The following TMED10 variants were observed in gnomAD, a reference collection of about 807,000 sequenced individuals.
TMED10 encodes the protein transmembrane emp24 domain-containing protein 10.
Under a neutral mutation model 23.1 loss-of-function variants are expected in TMED10, and 7 were observed. The ratio of observed to expected loss-of-function variants is 0.30; its 90% CI spans 0.17 to 0.57. The LOEUF is 0.57. Among genes scored for constraint, TMED10 ranks in the 20% least tolerant of loss-of-function variants. TMED10 has a pLI of 0.91. For missense variants in TMED10, 162 were observed against 274.8 expected, an observed-to-expected ratio of 0.59 and a Z score of 2.90; for synonymous variants, 113 against 106.9, an observed-to-expected ratio of 1.06 and a Z score of -0.35.
At chr14:75,165,605 T>C (rs1263027228) in intron 1 of TMED10, among the ~76,000 whole-genome samples, 1 of 152,198 alleles carries the variant, frequency 6.6e-6, no homozygotes, top group Non-Finnish European at 1.5e-5. Flanking sequence ...CTACATTTAA[T>C]GGGCATAAAA....
At chr14:75,136,699 A>G (rs1158394154) in intron 3 of TMED10, 3 of 152,166 alleles carry the variant, frequency 2.0e-5, no homozygotes, top group Admixed American at 2.0e-4. Flanking sequence ...TCCTACAACA[A>G]CTTTAAGGTT....
intron 3 of TMED10, among the ~76,000 whole-genome samples, chr14:75,143,475 A>C (rs1895847761): frequency 6.6e-6 from 1 of 152,188 alleles, no homozygotes; most frequent in Non-Finnish European, 1.5e-5. Flanking sequence ...GGGAATCTCT[A>C]AATTCTTTTC....
chr14:75,164,692 G>A (rs1896139595), intron 1 of TMED10, among the ~76,000 whole-genome samples: 1 of 146,166 alleles, frequency 6.8e-6, no homozygotes, highest in Non-Finnish European at 1.5e-5. Flanking sequence ...CAAAGTGCTA[G>A]GATTACAGAC....
At chr14:75,174,840 A>G (rs1238779321) in intron 1 of TMED10, among the ~76,000 whole-genome samples, 1 of 152,070 alleles carries the variant, frequency 6.6e-6, no homozygotes, top group Non-Finnish European at 1.5e-5. Context: ...CAAGAGATCA[A>G]GACCATCCTG....
At chr14:75,176,134 C>G (rs1896301730) in intron 1 of TMED10, 2 of 600,174 alleles carry the variant, frequency 3.3e-6, no homozygotes, top group Admixed American at 6.0e-5. Context: ...TCCGCCAAAG[C>G]CTCGCAGCCC....
chr14:75,135,549 G>GT, intron 4 of TMED10: 1 of 565,720 alleles, frequency 1.8e-6, no homozygotes, highest in African/African-American at 1.9e-5. Flanking sequence ...AATTGAGGAT[G>GT]TTGTCACCTG....
At chr14:75,146,304 C>G (rs1326178606) in intron 3 of TMED10, among the ~76,000 whole-genome samples, 1 of 152,170 alleles carries the variant, frequency 6.6e-6, no homozygotes, top group Non-Finnish European at 1.5e-5. Flanking sequence ...CAGAATTAAC[C>G]AGTCATTTCC....
At chr14:75,158,755 T>C (rs909181527) in intron 1 of TMED10, among the ~76,000 whole-genome samples, 2 of 151,896 alleles carry the variant, frequency 1.3e-5, no homozygotes, top group Non-Finnish European at 2.9e-5. Context: ...AGAAACCCCA[T>C]CTCTACTAAA....
chr14:75,137,228 T>C (rs1483190749), intron 3 of TMED10, among the ~76,000 whole-genome samples: 2 of 150,550 alleles, frequency 1.3e-5, no homozygotes, highest in Non-Finnish European at 3.0e-5. Context: ...GTCAGGATGG[T>C]CTCGATCTCT....
chr14:75,160,133 G>A (rs1240398255), intron 1 of TMED10, among the ~76,000 whole-genome samples: 3 of 152,148 alleles, frequency 2.0e-5, no homozygotes, highest in Non-Finnish European at 2.9e-5. Flanking sequence ...TTCAGGTGGG[G>A]CTCACTCATA....
intron 1 of TMED10, among the ~76,000 whole-genome samples, chr14:75,172,960 G>A (rs539943304): frequency 1.3e-5 from 2 of 152,186 alleles, no homozygotes; most frequent in South Asian, 4.1e-4. Context: ...CAAAGCAGTG[G>A]TGAGGACAAT....
intron 3 of TMED10, among the ~76,000 whole-genome samples, chr14:75,143,933 C>CAAAA (rs5809695): frequency 7.9e-6 from 1 of 126,210 alleles, no homozygotes; most frequent in African/African-American, 3.1e-5. Context: ...TACTCTGTCT[C>CAAAA]AAAAAAAAAA....
chr14:75,147,183 C>CTTTTTTTTTT (rs1895894334), intron 3 of TMED10, among the ~76,000 whole-genome samples: 11 of 77,796 alleles, frequency 1.4e-4, no homozygotes, highest in African/African-American at 2.3e-4. Context: ...TTCTTCAAGG[C>CTTTTTTTTTT]TGTTTTTTTT....
chr14:75,170,647 T>TA (rs946886472), intron 1 of TMED10, among the ~76,000 whole-genome samples: 3 of 152,054 alleles, frequency 2.0e-5, no homozygotes, highest in East Asian at 1.9e-4. Context: ...TAAAATACTT[T>TA]AAAAAAAAAC....
chr14:75,167,432 C>T, intron 1 of TMED10, among the ~76,000 whole-genome samples: 1 of 151,606 alleles, frequency 6.6e-6, no homozygotes. Context: ...CTCCTCGCCC[C>T]CACCCCCACC....
rs1895709119 is a variant in TMED10, at chr14:75,133,265, A to ATTT, written c.*1619_*1620insAAA. ...CTAACAGAGGAATTTTATCTAGGAT[A>ATTT]TATAAAAAACCTCTCAAAACTCAAT... is the stretch of plus-strand genomic sequence containing the variant. On this transcript the variant is annotated 3_prime_UTR_variant, in exon 5 of 5. Coordinates refer to ENST00000303575, the MANE Select transcript of TMED10 (RefSeq NM_006827.6). 6.6e-6 allele frequency: 1 copy of ATTT among 152,244 alleles called. No homozygotes were observed. Among genetic ancestry groups the ATTT allele is most frequent in the Admixed American group, 6.5e-5 (1 of 15,284 alleles). 9.4% of individuals were successfully genotyped at this position (152,244 alleles called of 1,614,324 possible). A position where few individuals can be genotyped will look rare whatever the true frequency, so the allele number is the denominator to read the frequency against.
intron 1 of TMED10, among the ~76,000 whole-genome samples, chr14:75,173,270 C>T (rs908102557): frequency 6.6e-6 from 1 of 151,984 alleles, no homozygotes; most frequent in African/African-American, 2.4e-5. Flanking sequence ...GCCTGTAATC[C>T]CAGCTACTCA....
intron 3 of TMED10, among the ~76,000 whole-genome samples, chr14:75,147,185 G>GTTTTTTTTTTTTTTTTTTTTT (rs71119349): frequency 6.9e-5 from 8 of 116,608 alleles, no homozygotes; most frequent in African/African-American, 3.0e-4. Context: ...CTTCAAGGCT[G>GTTTTTTTTTTTTTTTTTTTTT]TTTTTTTTTT....
intron 1 of TMED10, among the ~76,000 whole-genome samples, chr14:75,173,651 C>G (rs2268619): frequency 0.5 from 75,717 of 152,016 alleles, 19,402 homozygotes; most frequent in Middle Eastern, 0.56. Flanking sequence ...AGCAAAAGAA[C>G]AGAGCAGACA....
Sources: allele counts gnomAD v4.1 joint callset (sites outside exome capture counted in the v4.1 genomes callset), GRCh38; gene constraint gnomAD v4.1.1; transcripts MANE v1.5; gene names NCBI Gene and HGNC (gene_info 2026-07-23, HGNC 2026-07-21).